PXDN: variants seen among roughly 807,000 people sequenced by gnomAD.
The protein encoded by PXDN is peroxidasin homolog.
In PXDN, 77 loss-of-function variants were observed where a neutral mutation model predicts 140.3. That is an observed-to-expected ratio of 0.55 (90% CI 0.46 to 0.66). The LOEUF is 0.66. Ranked by LOEUF, PXDN falls within the 30% of genes least tolerant of loss-of-function variation. The pLI is 0.00. For synonymous variants in PXDN, 911 were observed against 857.4 expected (o/e 1.06, Z -1.09); for missense variants, 1,838 against 2,039.5 (o/e 0.90, Z 1.90).
Position 1,643,583 on chromosome 2 carries a change from C to A in PXDN, c.3744-7G>T. On this transcript the variant is annotated splice_polypyrimidine_tract_variant and splice_region_variant and intron_variant, in intron 18 of 22. Transcript: ENST00000252804. ...AGGGTTCTCATACCACAACCTGGAT[C>A]CCCCAAAATGAAAGCAGGATCAGAG... 1 of 1,613,362 alleles carries A rather than the reference C, an allele frequency of 6.2e-7. No homozygotes were observed. The highest frequency in any genetic ancestry group is 8.5e-7 in the Non-Finnish European group (1 of 1,179,530).
intron 1 of PXDN, among the ~76,000 whole-genome samples, chr2:1,707,248 A>T (rs1441888252): frequency 7.7e-6 from 1 of 129,096 alleles, no homozygotes; most frequent in African/African-American, 2.7e-5. Context: ...AGTGCTCACC[A>T]ATCAGCTCTA....
At chr2:1,655,783 C>T (rs369814267) in intron 14 of PXDN, among the ~76,000 whole-genome samples, 15 of 147,614 alleles carry the variant, frequency 1.0e-4, no homozygotes, top group African/African-American at 3.5e-4. Context: ...CTACACAGCA[C>T]ATTAAACACA....
chr2:1,738,993 G>A (rs73910871), intron 1 of PXDN, among the ~76,000 whole-genome samples: 2,086 of 152,226 alleles, frequency 0.014, 53 homozygotes, highest in African/African-American at 0.047. Flanking sequence ...CACCCACTTC[G>A]CTTAAAAAGG....
In PXDN at chr2:1,687,392, C is replaced by A. The variant is rs573261271; in HGVS notation, c.416+240G>T. 6.6e-6 allele frequency among the ~76,000 whole-genome samples: 1 copy of A among 152,300 alleles called. No homozygotes were observed. The highest frequency in any genetic ancestry group is 6.5e-5 in the Admixed American group (1 of 15,300). ...AAGCATGGCCCAGGGCCTGGTGCCG[C>A]CGTAAGGAAACCAGGGATACGTCCT... On this transcript the variant is annotated intron_variant, in intron 4 of 22. Coordinates refer to ENST00000252804, the MANE Select transcript of PXDN (RefSeq NM_012293.3). This position sits in a 1 kb window ranked among gnomAD's most constrained non-coding sequence, Gnocchi z 4.0.
In PXDN at chr2:1,632,144, G is replaced by A. The variant is rs1682426295; in HGVS notation, c.*2060C>T. 1 of 152,310 alleles carries A rather than the reference G, an allele frequency of 6.6e-6. No homozygotes were observed. Among genetic ancestry groups the A allele is most frequent in the African/African-American group, 2.4e-5 (1 of 41,452 alleles). 9.4% of individuals were successfully genotyped at this position (152,310 alleles called of 1,614,324 possible). On this transcript the variant is annotated 3_prime_UTR_variant, in exon 23 of 23. Coordinates refer to ENST00000252804, the MANE Select transcript of PXDN (RefSeq NM_012293.3). The surrounding 1 kb of genome is among the most constrained non-coding windows in gnomAD (Gnocchi z 4.3). ...AAACTGGTGATTCCGCAGACATTTT[G>A]GTTTGAATTACAGAATTTTTTTTGG... is the stretch of plus-strand genomic sequence containing the variant.
At chr2:1,728,432 C>T (rs924537720) in intron 1 of PXDN, among the ~76,000 whole-genome samples, 2 of 152,238 alleles carry the variant, frequency 1.3e-5, no homozygotes, top group African/African-American at 4.8e-5. Flanking sequence ...TTTGTGACTT[C>T]ACCTCGAAAA....
In PXDN at chr2:1,710,929, C is replaced by T. The variant is rs1684753091; in HGVS notation, c.201-17795G>A. ...TCTCCACCAGCACCCACTCCACCAG[C>T]ACCCACTCTATGAACACCCGCTCCA... On this transcript the variant is annotated intron_variant, in intron 1 of 22. Transcript: ENST00000252804. Among the ~76,000 whole-genome samples the T allele has an allele frequency of 1.1e-4, 15 of 133,456 alleles. 1 individual carries two copies. The highest frequency in any genetic ancestry group is 4.2e-4 in the East Asian group (1 of 2,370). 87.6% of individuals were successfully genotyped at this position (133,456 alleles called of 152,430 possible).
At position 1,744,358 on chromosome 2, in the gene PXDN, C is replaced by T. The variant is rs1381077182; in HGVS notation, c.98G>A (p.Gly33Asp). 3.9e-6 allele frequency: 6 copies of T among 1,527,214 alleles called. No individual in the cohort carries two copies. Among genetic ancestry groups the T allele is most frequent in the Non-Finnish European group, 5.2e-6 (6 of 1,143,580 alleles). 94.6% of individuals were successfully genotyped at this position (1,527,214 alleles called of 1,614,324 possible). ...GTLAVVAQKP[G>D]AGCPSRCLCF... ...CAGGCAGCGGCTCGGACACCCTGCGCCCGGCTTCTGGGCCACCACGGCCAG... is the reference window on the plus strand; with the variant it reads ...CAGGCAGCGGCTCGGACACCCTGCGTCCGGCTTCTGGGCCACCACGGCCAG... Residue 33 changes from glycine to aspartate, a missense_variant, in exon 1 of 23, where the codon GGC becomes GAC. Physicochemically the swap from Gly to Asp is moderately conservative, Grantham distance 94. This residue lies in a region of PXDN where 231 missense variants were observed against 201.5 expected (regional missense o/e 1.15). Coordinates refer to ENST00000252804, the MANE Select transcript of PXDN (RefSeq NM_012293.3).
At chr2:1,723,475 A>C (rs1420427827) in intron 1 of PXDN, among the ~76,000 whole-genome samples, 1 of 152,130 alleles carries the variant, frequency 6.6e-6, no homozygotes, top group African/African-American at 2.4e-5. Flanking sequence ...TGGATGAACT[A>C]ATAAATGGGC....
chr2:1,650,003 C>CG (rs1558490225), intron 16 of PXDN, among the ~76,000 whole-genome samples: 2 of 152,142 alleles, frequency 1.3e-5, no homozygotes, highest in African/African-American at 4.8e-5. Flanking sequence ...GCCCGACCCA[C>CG]GTTGACCAGT....
At chr2:1,661,074 A>G in intron 13 of PXDN, 37 bp from the exon 14 acceptor site, 1 of 1,611,112 alleles carries the variant, frequency 6.2e-7, no homozygotes, top group Non-Finnish European at 8.5e-7. Flanking sequence ...ATTAGAAATA[A>G]GACTAAGAAG....
At chr2:1,681,546 G>A (rs1683906622) in intron 6 of PXDN, among the ~76,000 whole-genome samples, 1 of 151,692 alleles carries the variant, frequency 6.6e-6, no homozygotes, top group Admixed American at 6.6e-5. Context: ...CATCTCTAGG[G>A]GCCGACGCTG....
chr2:1,639,700 C>A lies in PXDN; in HGVS notation c.3953-278G>T, dbSNP rs1309023464. On this transcript the variant is annotated intron_variant, in intron 19 of 22. Transcript: ENST00000252804. This position sits in a 1 kb window ranked among gnomAD's most constrained non-coding sequence, Gnocchi z 5.0. ...TGAGGAGGCTCACCACGCCATCTAACCACACCCTCGCGGAGTTCCCTCCAC... is the reference window on the plus strand; with the variant it reads ...TGAGGAGGCTCACCACGCCATCTAAACACACCCTCGCGGAGTTCCCTCCAC... Among the ~76,000 whole-genome samples the A allele has an allele frequency of 6.6e-6, 1 of 152,220 alleles. No homozygotes were observed. Among genetic ancestry groups the A allele is most frequent in the Non-Finnish European group, 1.5e-5 (1 of 68,040 alleles).
At chr2:1,709,832 A>G (rs1342431134) in intron 1 of PXDN, among the ~76,000 whole-genome samples, 1 of 152,222 alleles carries the variant, frequency 6.6e-6, no homozygotes, top group Non-Finnish European at 1.5e-5. Flanking sequence ...GAGGACACAG[A>G]GAGATGCCAT....
chr2:1,709,977 T>C, intron 1 of PXDN, among the ~76,000 whole-genome samples: 1 of 152,178 alleles, frequency 6.6e-6, no homozygotes, highest in East Asian at 1.9e-4. Flanking sequence ...TTTGTGGGGC[T>C]GCCCAGGCTG....
chr2:1,709,146 C>T (rs1362007662), intron 1 of PXDN, among the ~76,000 whole-genome samples: 7 of 152,314 alleles, frequency 4.6e-5, no homozygotes, highest in Non-Finnish European at 7.4e-5. Context: ...CTGTGCTCGC[C>T]GCTCACTCAT....
intron 8 of PXDN, among the ~76,000 whole-genome samples, chr2:1,676,093 C>T (rs534855117): frequency 1.6e-4 from 25 of 152,238 alleles, no homozygotes; most frequent in African/African-American, 4.8e-4. Context: ...AGGTGCCTTC[C>T]GGCAATCTGA....
intron 19 of PXDN, among the ~76,000 whole-genome samples, chr2:1,641,736 G>A (rs146449046): frequency 1.5e-4 from 23 of 152,300 alleles, no homozygotes; most frequent in Admixed American, 5.9e-4. Context: ...TGTAACATGC[G>A]GGGAACAAAG....
rs113693826 is a variant in PXDN at position 1,649,776 on chromosome 2, C to A, written c.2105-101G>T. 446 of 1,346,710 alleles carry A rather than the reference C, an allele frequency of 3.3e-4. No homozygotes were observed. The African/African-American group carries it at 5.5e-3, about 17-fold the overall frequency. 83.4% of individuals were successfully genotyped at this position (1,346,710 alleles called of 1,614,324 possible). A position where few individuals can be genotyped will look rare whatever the true frequency, so the allele number is the denominator to read the frequency against. On this transcript the variant is annotated intron_variant, in intron 16 of 22. Transcript: ENST00000252804. This position sits in a 1 kb window ranked among gnomAD's most constrained non-coding sequence, Gnocchi z 7.1. ...CTGCCGCTGACATGGGGCTATCTAC[C>A]CCCAGCTCATGAAACCTGTTGTGCG...
Sources: allele counts gnomAD v4.1 joint callset (sites outside exome capture counted in the v4.1 genomes callset), GRCh38; gene constraint gnomAD v4.1.1; regional missense constraint gnomAD v4.1.1; non-coding constraint Gnocchi (gnomAD v3.1); transcripts MANE v1.5; gene names NCBI Gene and HGNC (gene_info 2026-07-23, HGNC 2026-07-21).